Variants in UNC13C observed in about 807,000 individuals in gnomAD.
UNC13C encodes the protein unc-13 homolog C.
UNC13C carries 174 observed loss-of-function variants against 245.4 expected under a neutral mutation model. That is an observed-to-expected ratio of 0.71 (90% CI 0.63 to 0.80). The LOEUF (loss-of-function observed/expected upper bound fraction) is 0.80, where lower values mean the gene tolerates loss of function less well. UNC13C is among the 30% of genes least tolerant of loss of function. The pLI is 0.00. For missense variants in UNC13C, 2,829 were observed against 2,602.9 expected (o/e 1.09, Z -1.89); for synonymous variants, 992 against 895.1 (o/e 1.11, Z -1.93).
intron 10 of UNC13C, among the ~76,000 whole-genome samples, chr15:54,275,671 T>C (rs1422129249): frequency 2.0e-5 from 3 of 152,140 alleles, no homozygotes; most frequent in Non-Finnish European, 4.4e-5. Flanking sequence ...TATCCTGTTG[T>C]CACTAAGTGT....
chr15:54,267,720 G>A (rs910783399), intron 10 of UNC13C, among the ~76,000 whole-genome samples: 3 of 151,542 alleles, frequency 2.0e-5, no homozygotes, highest in Admixed American at 6.6e-5. Flanking sequence ...TTGTACAATT[G>A]GTTTATGATT....
chr15:54,583,462 A>AT (rs1221753087), intron 30 of UNC13C, among the ~76,000 whole-genome samples: 1 of 152,082 alleles, frequency 6.6e-6, no homozygotes, highest in Admixed American at 6.6e-5. Context: ...ATGTCCCTCG[A>AT]TTTTTTCTCA....
intron 4 of UNC13C, among the ~76,000 whole-genome samples, chr15:54,226,615 G>A (rs1196568891): frequency 6.6e-6 from 1 of 152,190 alleles, no homozygotes; most frequent in East Asian, 1.9e-4. Context: ...CACCAGCCAA[G>A]GACAAGCCAG....
At chr15:54,058,991 C>G (rs71467584) in intron 2 of UNC13C, among the ~76,000 whole-genome samples, 4 of 152,080 alleles carry the variant, frequency 2.6e-5, no homozygotes, top group African/African-American at 4.8e-5. Flanking sequence ...TATGACAAAC[C>G]CACAGCCAAT....
chr15:54,299,999 C>G (rs1362617277), intron 12 of UNC13C, among the ~76,000 whole-genome samples: 1 of 152,138 alleles, frequency 6.6e-6, no homozygotes, highest in East Asian at 1.9e-4. Flanking sequence ...ATATTTATAT[C>G]AGCGCTTTTA....
the UNC13C span, among the ~76,000 whole-genome samples, chr15:53,904,426 T>G: frequency 1.3e-5 from 2 of 152,176 alleles, no homozygotes; most frequent in Non-Finnish European, 2.9e-5. Flanking sequence ...TCTATCTATA[T>G]GCACTGCGCC....
At chr15:54,185,045 T>G (rs953282443) in intron 4 of UNC13C, among the ~76,000 whole-genome samples, 1 of 152,246 alleles carries the variant, frequency 6.6e-6, no homozygotes, top group African/African-American at 2.4e-5. Flanking sequence ...TTCATGTGTT[T>G]TTTGGTGGCA....
chr15:54,239,225 C>T (rs11071063), intron 7 of UNC13C, among the ~76,000 whole-genome samples: 7,220 of 152,120 alleles, frequency 0.047, 368 homozygotes, highest in East Asian at 0.27. Flanking sequence ...ATTTCTCATT[C>T]CCTTCCTTCT....
intron 2 of UNC13C, among the ~76,000 whole-genome samples, chr15:54,017,024 T>A (rs764416695): frequency 4.6e-5 from 7 of 152,198 alleles, no homozygotes; most frequent in African/African-American, 7.2e-5. Context: ...CATTTTGTGG[T>A]TGATGTGAGT....
intron 13 of UNC13C, among the ~76,000 whole-genome samples, chr15:54,313,909 A>G (rs1161414489): frequency 6.6e-6 from 1 of 151,704 alleles, no homozygotes; most frequent in African/African-American, 2.4e-5. Flanking sequence ...ATGTATTGAG[A>G]AAATGTACTA....
In UNC13C at chr15:54,232,130, C is replaced by A. The variant is rs544636312; in HGVS notation, c.3072-2900C>A. Among the ~76,000 whole-genome samples, 93 of 152,082 alleles carry A rather than the reference C, an allele frequency of 6.1e-4. 1 individual carries two copies. The highest frequency in any genetic ancestry group is 1.0e-3 in the Non-Finnish European group (68 of 67,942). ...TTTGTGATAAAATTTTATATTATTA[C>A]TTGATGGATAGGCTTATCAAAGTTT... is the stretch of plus-strand genomic sequence containing the variant. On this transcript the variant is annotated intron_variant, in intron 4 of 32. Coordinates refer to ENST00000260323, the MANE Select transcript of UNC13C (RefSeq NM_001080534.3).
chr15:54,013,337 C>A lies in UNC13C; in HGVS notation c.434C>A (p.Thr145Lys). 1.2e-6 allele frequency: 2 copies of A among 1,613,906 alleles called. No homozygotes were observed. Among genetic ancestry groups the A allele is most frequent in the South Asian group, 2.2e-5 (2 of 91,088 alleles). The change falls in exon 2 of 33, where the codon ACA (threonine) becomes AAA (lysine). Residue 145 changes from threonine (T) to lysine (K), a missense_variant. Thr to Lys is a moderately conservative substitution (Grantham distance 78). Transcript: ENST00000260323. ...RSSTENQAQS[T>K]HTMPVRRNRK... ...AGCACAGAAAACCAGGCACAATCAA[C>A]ACACACAATGCCAGTTAGACGCAAC...
At chr15:54,154,792 G>A (rs1019496638) in intron 4 of UNC13C, among the ~76,000 whole-genome samples, 3 of 152,280 alleles carry the variant, frequency 2.0e-5, no homozygotes, top group African/African-American at 7.2e-5. Flanking sequence ...GTATTCAAAA[G>A]ATTAGGTTAT....
At chr15:53,920,229 C>A in the UNC13C span, among the ~76,000 whole-genome samples, 11 of 152,102 alleles carry the variant, frequency 7.2e-5, no homozygotes, top group Non-Finnish European at 1.2e-4. Context: ...TAACTTCACA[C>A]AAAACCTCTT....
At chr15:54,325,029 A>T (rs1327721758) in intron 14 of UNC13C, among the ~76,000 whole-genome samples, 4 of 151,960 alleles carry the variant, frequency 2.6e-5, no homozygotes, top group Non-Finnish European at 5.9e-5. Flanking sequence ...GCCCAAGACA[A>T]TTCTTCTTTT....
intron 13 of UNC13C, among the ~76,000 whole-genome samples, chr15:54,305,431 A>G (rs2037700649): frequency 6.6e-6 from 1 of 152,040 alleles, no homozygotes; most frequent in African/African-American, 2.4e-5. Context: ...TTTCCACCAT[A>G]CTTTTAAAAT....
chr15:54,025,862 C>T (rs948526789), intron 2 of UNC13C, among the ~76,000 whole-genome samples: 1 of 152,018 alleles, frequency 6.6e-6, no homozygotes, highest in South Asian at 2.1e-4. Context: ...AATTGTTGAC[C>T]GCATATAATC....
rs563565035 is a variant in UNC13C, at chr15:54,108,868, T to G, written c.2984-34150T>G. Reference sequence around the variant, plus strand: ...GAGATATTACAGATTCAGGCAACTCTTCAGATATAAGCACTCAGAGGAGGA... The same window carrying G: ...GAGATATTACAGATTCAGGCAACTCGTCAGATATAAGCACTCAGAGGAGGA... On this transcript the variant is annotated intron_variant, in intron 2 of 32. Transcript: ENST00000260323. Among the ~76,000 whole-genome samples, 66 of 152,324 alleles carry G rather than the reference T, an allele frequency of 4.3e-4. 1 individual carries two copies. The highest frequency in any genetic ancestry group is 1.2e-4 in the Non-Finnish European group (8 of 68,032).
chr15:54,507,009 G>A (rs1894502471), intron 22 of UNC13C, 108 bp from the exon 23 acceptor site: 1 of 642,152 alleles, frequency 1.6e-6, no homozygotes, highest in Middle Eastern at 3.8e-4. Context: ...AAAAAATGTA[G>A]AACTAAGATG....
Sources: gnomAD v4.1 joint callset for allele counts (sites outside exome capture counted in the v4.1 genomes callset) on GRCh38, gnomAD v4.1.1 for gene constraint, MANE v1.5 for transcripts, NCBI Gene and HGNC (gene_info 2026-07-23, HGNC 2026-07-21) for gene names.